The following CLTCL1 variants were observed in gnomAD, a reference collection of about 807,000 sequenced individuals.
CLTCL1 encodes the protein clathrin heavy chain 2.
In CLTCL1, 159 loss-of-function variants were observed where a neutral mutation model predicts 190.0. That is an observed-to-expected ratio of 0.84 (90% CI 0.74 to 0.95). CLTCL1 has a LOEUF of 0.95. Ranked by LOEUF, CLTCL1 falls within the 40% of genes least tolerant of loss-of-function variation. The pLI is 0.00. For missense variants in CLTCL1, 1,878 were observed against 2,033.4 expected, an observed-to-expected ratio of 0.92 and a Z score of 1.47; for synonymous variants, 752 against 769.6, an observed-to-expected ratio of 0.98 and a Z score of 0.38.
At chr22:19,209,630 G>A (rs577033303) in intron 20 of CLTCL1, among the ~76,000 whole-genome samples, 21 of 152,196 alleles carry the variant, frequency 1.4e-4, no homozygotes, top group Non-Finnish European at 2.6e-4. Flanking sequence ...CAAGGCCAGA[G>A]CCCATGAGGG....
intron 4 of CLTCL1, among the ~76,000 whole-genome samples, chr22:19,242,332 C>T (rs1555965773): frequency 6.6e-6 from 1 of 151,668 alleles, no homozygotes; most frequent in Admixed American, 6.6e-5. Flanking sequence ...CTGTGTAGCC[C>T]AAGCAGGAGT....
chr22:19,229,977 T>C lies in CLTCL1; in HGVS notation c.1645-2A>G. The stretch of plus-strand genomic sequence containing the variant: ...GTTTTCCATGAAAATGTCCACAATC[T>C]GAAACATATCCAAGCCACATTTTCA... On this transcript the variant is annotated splice_acceptor_variant, in intron 10 of 32. Coordinates refer to ENST00000427926, the MANE Select transcript of CLTCL1 (RefSeq NM_007098.4). LOFTEE classifies it high-confidence loss of function. 6.2e-7 allele frequency: 1 copy of C among 1,600,510 alleles called. No individual in the cohort carries two copies. Among genetic ancestry groups the C allele is most frequent in the East Asian group, 2.3e-5 (1 of 43,990 alleles).
intron 2 of CLTCL1, among the ~76,000 whole-genome samples, chr22:19,260,536 A>G (rs1091011): frequency 0.078 from 11,913 of 151,890 alleles, 583 homozygotes; most frequent in Middle Eastern, 0.17. Flanking sequence ...AGCACTTTGG[A>G]AGGCTGAGGC....
At position 19,232,069 on chromosome 22, in the gene CLTCL1, C is replaced by A. The variant is rs543386757; in HGVS notation, c.1644+407G>T. Among the ~76,000 whole-genome samples, 145 of 152,262 alleles carry A rather than the reference C, an allele frequency of 9.5e-4. 1 individual carries two copies. The highest frequency in any genetic ancestry group is 3.4e-3 in the African/African-American group (142 of 41,548). ...AAAAACAGGCTGATGCTCACGTAAT[C>A]CAGGTCAGTCAGACACCCACAGGAT... On this transcript the variant is annotated intron_variant, in intron 10 of 32. Coordinates refer to ENST00000427926, the MANE Select transcript of CLTCL1 (RefSeq NM_007098.4).
intron 4 of CLTCL1, among the ~76,000 whole-genome samples, chr22:19,242,185 C>T (rs1369412018): frequency 6.6e-6 from 1 of 151,150 alleles, no homozygotes; most frequent in Non-Finnish European, 1.5e-5. Flanking sequence ...TCAGGCAATC[C>T]ACCCACCTCG....
intron 2 of CLTCL1, chr22:19,258,096 C>T: frequency 2.4e-6 from 1 of 424,682 alleles, no homozygotes; most frequent in Non-Finnish European, 4.6e-6. Context: ...ACTGATGACA[C>T]CAGTGTCACT....
intron 19 of CLTCL1, 40 bp downstream of exon 19, chr22:19,216,069 TGA>T: frequency 6.3e-7 from 1 of 1,596,878 alleles, no homozygotes; most frequent in East Asian, 2.2e-5. Flanking sequence ...GCAGATGTTT[TGA>T]ATCTGCCTGT....
Position 19,222,017 on chromosome 22 carries a change from A to G in CLTCL1, c.2495T>C (p.Leu832Ser). The part of the protein sequence containing the change: ...VDCSEEVIKH[L>S]IMAVRGQFST... ...GAACTGTCCTCTCACTGCCATGATT[A>G]AGTGTTTAATCACTTCCTCAGAACA... Residue 832 changes from leucine (L) to serine (S), a missense_variant, in exon 16 of 33, where the codon TTA (leucine) becomes TCA (serine). Physicochemically the swap from Leu to Ser is moderately radical, Grantham distance 145. Transcript: ENST00000427926. 6.2e-7 allele frequency: 1 copy of G among 1,614,004 alleles called. No homozygotes were observed. The highest frequency in any genetic ancestry group is 1.1e-5 in the South Asian group (1 of 91,088).
At chr22:19,226,519 T>G in intron 11 of CLTCL1, 136 bp from the exon 12 acceptor site, 1 of 935,534 alleles carries the variant, frequency 1.1e-6, no homozygotes. Flanking sequence ...TCCATACCTC[T>G]GTGGTGGCAG....
chr22:19,193,955 A>T (rs189061083), intron 26 of CLTCL1, among the ~76,000 whole-genome samples: 182 of 152,348 alleles, frequency 1.2e-3, no homozygotes, highest in African/African-American at 4.3e-3. Context: ...ACATGGAAAA[A>T]GACCCGAACA....
At chr22:19,279,565 C>G (rs1304863114) in intron 1 of CLTCL1, among the ~76,000 whole-genome samples, 1 of 152,106 alleles carries the variant, frequency 6.6e-6, no homozygotes, top group Non-Finnish European at 1.5e-5. Flanking sequence ...TATGGGCTCA[C>G]TAAGAAGTCA....
Position 19,281,552 on chromosome 22 carries a change from G to A in CLTCL1, c.43-5722C>T, listed in dbSNP as rs191670738. On this transcript the variant is annotated intron_variant, in intron 1 of 32. Coordinates refer to ENST00000427926, the MANE Select transcript of CLTCL1 (RefSeq NM_007098.4). The stretch of plus-strand genomic sequence containing the variant: ...GCCTCAATAAAATTTGGCAGTGATC[G>A]GAGACGTAAGTAAATCAAAGCTGGC... 1.9e-3 allele frequency among the ~76,000 whole-genome samples: 285 copies of A among 152,240 alleles called. 1 individual carries two copies. Among genetic ancestry groups the A allele is most frequent in the Non-Finnish European group, 2.0e-3 (133 of 68,008 alleles).
At chr22:19,275,570 C>T in intron 2 of CLTCL1, 53 bp downstream of exon 2, 1 of 1,500,256 alleles carries the variant, frequency 6.7e-7, no homozygotes, top group Non-Finnish European at 9.1e-7. Context: ...TTTAAGGTAA[C>T]AAAGCAGTTA....
chr22:19,241,695 G>A (rs547623560), intron 4 of CLTCL1, among the ~76,000 whole-genome samples: 1 of 152,188 alleles, frequency 6.6e-6, no homozygotes, highest in Non-Finnish European at 1.5e-5. Flanking sequence ...GGAACCCAAG[G>A]TCTCCCTGAC....
Position 19,183,444 on chromosome 22 carries a change from G to A in CLTCL1, c.4773C>T (p.Leu1591=), listed in dbSNP as rs368882724. ...TGAAGTAGGGCATGGCCAAGTCCAC[G>A]AGGTTGTGCCTCCAGGCCAGCTCAA... ...MVLELAWRHN[L]VDLAMPYFIQ... The change falls in exon 30 of 33, where the codon CTC becomes CTT. Residue 1591 remains leucine (L), a synonymous_variant. Coordinates refer to ENST00000427926, the MANE Select transcript of CLTCL1 (RefSeq NM_007098.4). 29 of 1,613,674 alleles carry A rather than the reference G, an allele frequency of 1.8e-5. No homozygotes were observed. The highest frequency in any genetic ancestry group is 1.3e-4 in the East Asian group (6 of 44,882).
chr22:19,286,571 G>A (rs1406534835), intron 1 of CLTCL1, among the ~76,000 whole-genome samples: 3 of 152,140 alleles, frequency 2.0e-5, no homozygotes, highest in African/African-American at 7.2e-5. Context: ...CTATGGGTAC[G>A]TGTCCCTTTT....
intron 3 of CLTCL1, among the ~76,000 whole-genome samples, chr22:19,249,340 C>T (rs1394686208): frequency 6.6e-6 from 1 of 151,654 alleles, no homozygotes; most frequent in Non-Finnish European, 1.5e-5. Flanking sequence ...GCCTCAGCGA[C>T]AGAGCAAGAC....
At chr22:19,237,096 T>C (rs1476448009) in intron 5 of CLTCL1, among the ~76,000 whole-genome samples, 2 of 152,136 alleles carry the variant, frequency 1.3e-5, no homozygotes, top group African/African-American at 2.4e-5. Context: ...AGGTGCCACA[T>C]ATCACAAATT....
chr22:19,231,219 C>T (rs1479062214), intron 10 of CLTCL1, among the ~76,000 whole-genome samples: 1 of 152,200 alleles, frequency 6.6e-6, no homozygotes, highest in Admixed American at 6.5e-5. Flanking sequence ...GCCAATTCTC[C>T]TAATAAACTC....
Sources: gnomAD v4.1 joint callset for allele counts (sites outside exome capture counted in the v4.1 genomes callset) on GRCh38, gnomAD v4.1.1 for gene constraint, MANE v1.5 for transcripts, NCBI Gene and HGNC (gene_info 2026-07-23, HGNC 2026-07-21) for gene names.